The following DEPTOR variants were observed in gnomAD, a reference collection of about 807,000 sequenced individuals.
DEPTOR encodes the protein DEP domain-containing mTOR-interacting protein.
In DEPTOR, 41 loss-of-function variants were observed where a neutral mutation model predicts 41.6. That is an observed-to-expected ratio of 0.98 (90% CI 0.77 to 1.28). DEPTOR has a LOEUF of 1.28. Ranked by LOEUF, DEPTOR falls within the 50% of genes most tolerant of loss-of-function variation. DEPTOR has a pLI of 0.00. For missense variants in DEPTOR, 514 were observed against 527.9 expected (o/e 0.97, Z 0.26); for synonymous variants, 195 against 192.3 (o/e 1.01, Z -0.12).
chr8:119,881,202 C>T (rs1827292599), intron 1 of DEPTOR, among the ~76,000 whole-genome samples: 1 of 152,152 alleles, frequency 6.6e-6, no homozygotes, highest in Non-Finnish European at 1.5e-5. Flanking sequence ...ATTTGCTTTG[C>T]AAATGTTAAT....
intron 8 of DEPTOR, among the ~76,000 whole-genome samples, chr8:120,036,833 T>C (rs1362137950): frequency 1.3e-5 from 2 of 152,206 alleles, no homozygotes; most frequent in African/African-American, 4.8e-5. Flanking sequence ...TTGGTTACCT[T>C]ATGGTCAAGA....
intron 3 of DEPTOR, among the ~76,000 whole-genome samples, chr8:119,954,348 A>G (rs1488648286): frequency 6.6e-6 from 1 of 151,622 alleles, no homozygotes; most frequent in Non-Finnish European, 1.5e-5. Flanking sequence ...GTTTTGCCAT[A>G]TTGCCCAGGT....
chr8:119,958,081 C>T (rs1407833147), intron 3 of DEPTOR, among the ~76,000 whole-genome samples: 2 of 152,164 alleles, frequency 1.3e-5, no homozygotes, highest in Non-Finnish European at 1.5e-5. Flanking sequence ...CTATCTATTC[C>T]TACAAAACAA....
At chr8:119,930,730 T>A (rs189540535) in intron 3 of DEPTOR, among the ~76,000 whole-genome samples, 52 of 152,074 alleles carry the variant, frequency 3.4e-4, no homozygotes, top group African/African-American at 9.6e-4. Context: ...GCACAGGAGT[T>A]TTTGGTTGGT....
chr8:119,996,409 T>A (rs970647312), intron 4 of DEPTOR, among the ~76,000 whole-genome samples: 19 of 152,234 alleles, frequency 1.2e-4, no homozygotes, highest in African/African-American at 4.6e-4. Flanking sequence ...TATAGTTGAC[T>A]ATCTCATCTG....
intron 8 of DEPTOR, among the ~76,000 whole-genome samples, chr8:120,031,397 G>A (rs113830808): frequency 1.3e-5 from 2 of 152,194 alleles, no homozygotes; most frequent in African/African-American, 4.8e-5. Context: ...TCCTGGAGGT[G>A]GAGGTTGCAG....
chr8:119,891,605 C>T (rs1827452987), intron 1 of DEPTOR, among the ~76,000 whole-genome samples: 1 of 152,168 alleles, frequency 6.6e-6, no homozygotes, highest in Admixed American at 6.5e-5. Flanking sequence ...TCCTTCACCC[C>T]AAACCATTCC....
chr8:120,022,165 A>AAAAAAAAAAAAAG (rs1438986918), intron 8 of DEPTOR, among the ~76,000 whole-genome samples: 2 of 150,976 alleles, frequency 1.3e-5, no homozygotes, highest in Admixed American at 6.6e-5. Context: ...CTTAAAAAAA[A>AAAAAAAAAAAAAG]AAAAAAAAAA....
intron 1 of DEPTOR, among the ~76,000 whole-genome samples, chr8:119,875,374 CG>C (rs1467809932): frequency 6.6e-6 from 1 of 151,948 alleles, no homozygotes; most frequent in Non-Finnish European, 1.5e-5. Flanking sequence ...TCCAAGAAGG[CG>C]GGGGTGACTT....
intron 3 of DEPTOR, among the ~76,000 whole-genome samples, chr8:119,938,487 G>A (rs1828140022): frequency 6.6e-6 from 1 of 152,062 alleles, no homozygotes; most frequent in African/African-American, 2.4e-5. Flanking sequence ...TTTGTTAGAT[G>A]CTCCTGAAAT....
At chr8:119,964,515 C>CAAAAAAA (rs536731714) in intron 3 of DEPTOR, among the ~76,000 whole-genome samples, 50 of 121,694 alleles carry the variant, frequency 4.1e-4, no homozygotes, top group African/African-American at 9.9e-4. Flanking sequence ...AAGCCCGTCT[C>CAAAAAAA]AAAAAAAAAA....
intron 8 of DEPTOR, among the ~76,000 whole-genome samples, chr8:120,038,014 C>T (rs1340517652): frequency 6.6e-6 from 1 of 152,078 alleles, no homozygotes; most frequent in Non-Finnish European, 1.5e-5. Context: ...CATCTATAAT[C>T]CTAGCACTTT....
chr8:119,969,360 G>GTT (rs987720059), intron 4 of DEPTOR, among the ~76,000 whole-genome samples: 5 of 141,436 alleles, frequency 3.5e-5, no homozygotes, highest in Non-Finnish European at 6.2e-5. Flanking sequence ...GTTTTTTTTT[G>GTT]TTTTTTTTTT....
chr8:119,883,213 C>G (rs994840574), intron 1 of DEPTOR, among the ~76,000 whole-genome samples: 12 of 151,830 alleles, frequency 7.9e-5, no homozygotes, highest in Non-Finnish European at 1.3e-4. Flanking sequence ...GGTGGCTCAC[C>G]CCTGTAATCC....
chr8:120,005,769 G>A (rs976333094), intron 6 of DEPTOR, among the ~76,000 whole-genome samples: 7 of 152,112 alleles, frequency 4.6e-5, no homozygotes, highest in African/African-American at 1.4e-4. Flanking sequence ...GTTCATTATC[G>A]GTGGGTTTTA....
At chr8:119,933,350 C>T (rs928838705) in intron 3 of DEPTOR, among the ~76,000 whole-genome samples, 5 of 151,508 alleles carry the variant, frequency 3.3e-5, no homozygotes, top group African/African-American at 9.7e-5. Flanking sequence ...ATTAGCTGGG[C>T]GTGGTGGCTG....
chr8:120,002,791 A>T (rs199887670), intron 5 of DEPTOR, among the ~76,000 whole-genome samples, 186 bp from the exon 6 acceptor site: 1,103 of 60,634 alleles, frequency 0.018, 38 homozygotes, highest in Middle Eastern at 0.04. Flanking sequence ...AAAAAAAAAA[A>T]ATATATATAT....
chr8:119,908,202 G>A (rs1313306253), intron 1 of DEPTOR, among the ~76,000 whole-genome samples: 2 of 152,118 alleles, frequency 1.3e-5, no homozygotes, highest in African/African-American at 4.8e-5. Flanking sequence ...CTGGCCAAGA[G>A]AGGGCATGGA....
chr8:119,971,218 G>A (rs1370143444), intron 4 of DEPTOR, among the ~76,000 whole-genome samples: 4 of 131,818 alleles, frequency 3.0e-5, no homozygotes, highest in African/African-American at 1.1e-4. Flanking sequence ...GCAACAGAGC[G>A]AGACTCCGTC....
Sources: allele counts gnomAD v4.1 joint callset (sites outside exome capture counted in the v4.1 genomes callset), GRCh38; gene constraint gnomAD v4.1.1; transcripts MANE v1.5; gene names NCBI Gene and HGNC (gene_info 2026-07-23, HGNC 2026-07-21).